Variants in FSTL4 observed in about 807,000 individuals in gnomAD.
FSTL4 encodes the protein follistatin-related protein 4.
In FSTL4, 28 loss-of-function variants were observed where a neutral mutation model predicts 78.2. The observed-to-expected ratio is 0.36, with a 90% CI of 0.27 to 0.49. FSTL4 has a LOEUF of 0.49. Among genes scored for constraint, FSTL4 ranks in the 20% least tolerant of loss-of-function variants. The pLI is 0.98. For synonymous variants in FSTL4, 422 were observed against 440.5 expected (o/e 0.96, Z 0.53); for missense variants, 922 against 1,084.9 (o/e 0.85, Z 2.11).
chr5:133,517,533 AAAAG>A (rs1442279492), intron 3 of FSTL4, among the ~76,000 whole-genome samples: 25 of 143,274 alleles, frequency 1.7e-4, no homozygotes, highest in African/African-American at 5.7e-4. Flanking sequence ...TAATAATACT[AAAAG>A]AAAATATAAA....
chr5:133,827,952 A>C, the FSTL4 span, among the ~76,000 whole-genome samples: 2 of 152,296 alleles, frequency 1.3e-5, no homozygotes, highest in Admixed American at 6.5e-5. Flanking sequence ...AGAGCTGCCA[A>C]GAAATGCTGA....
At chr5:133,318,957 C>T (rs1252197179) in intron 4 of FSTL4, among the ~76,000 whole-genome samples, 1 of 152,224 alleles carries the variant, frequency 6.6e-6, no homozygotes, top group Non-Finnish European at 1.5e-5. Context: ...GGGTCACCAG[C>T]TGGCAAACCC....
At chr5:133,542,666 G>T (rs559544762) in intron 3 of FSTL4, among the ~76,000 whole-genome samples, 5 of 152,288 alleles carry the variant, frequency 3.3e-5, no homozygotes, top group African/African-American at 1.2e-4. Flanking sequence ...TATTTCTACT[G>T]AAGTGAGTTT....
At chr5:133,307,294 C>T (rs888310594) in intron 6 of FSTL4, among the ~76,000 whole-genome samples, 4 of 152,146 alleles carry the variant, frequency 2.6e-5, no homozygotes, top group African/African-American at 7.2e-5. Flanking sequence ...GAGGAGAAGA[C>T]CATTGAGTTG....
At chr5:133,824,452 G>A in the FSTL4 span, among the ~76,000 whole-genome samples, 2,086 of 152,334 alleles carry the variant, frequency 0.014, 27 homozygotes, top group Non-Finnish European at 0.02. Flanking sequence ...CATCTCAGAA[G>A]CAGACAAAAG....
At chr5:133,557,450 T>C (rs995152370) in intron 3 of FSTL4, among the ~76,000 whole-genome samples, 3 of 152,338 alleles carry the variant, frequency 2.0e-5, no homozygotes, top group African/African-American at 7.2e-5. Flanking sequence ...TCAGACCCAA[T>C]TGCCATTTGG....
intron 4 of FSTL4, among the ~76,000 whole-genome samples, chr5:133,366,583 C>A (rs1190927263): frequency 6.6e-6 from 1 of 152,052 alleles, no homozygotes; most frequent in Non-Finnish European, 1.5e-5. Context: ...TGAAAACTTT[C>A]TTCTGCCTGC....
At chr5:133,420,453 G>A (rs1407033371) in intron 3 of FSTL4, among the ~76,000 whole-genome samples, 1 of 152,168 alleles carries the variant, frequency 6.6e-6, no homozygotes, top group Non-Finnish European at 1.5e-5. Flanking sequence ...ATAATCTCAA[G>A]TGGAAATTTA....
chr5:133,382,180 C>T (rs1755590045), intron 4 of FSTL4, among the ~76,000 whole-genome samples: 1 of 152,216 alleles, frequency 6.6e-6, no homozygotes, highest in South Asian at 2.1e-4. Flanking sequence ...CTGCCAAACC[C>T]TCCTGCCAAA....
intron 6 of FSTL4, among the ~76,000 whole-genome samples, chr5:133,276,675 TATC>T (rs1375118665): frequency 3.3e-5 from 5 of 152,184 alleles, no homozygotes; most frequent in Admixed American, 3.3e-4. Flanking sequence ...CAGGCATCAA[TATC>T]TTGTTACTCT....
At chr5:133,725,809 G>T in the FSTL4 span, among the ~76,000 whole-genome samples, 1 of 152,198 alleles carries the variant, frequency 6.6e-6, no homozygotes, top group African/African-American at 2.4e-5. Context: ...GAAAAGAGCA[G>T]TTTACCTTAT....
chr5:133,313,121 G>A (rs1753826454), intron 5 of FSTL4, among the ~76,000 whole-genome samples: 1 of 152,216 alleles, frequency 6.6e-6, no homozygotes, highest in Admixed American at 6.5e-5. Context: ...TAGATGGGGA[G>A]ACAGGAGAGA....
intron 3 of FSTL4, among the ~76,000 whole-genome samples, chr5:133,555,713 C>T (rs568807151): frequency 1.3e-5 from 2 of 152,242 alleles, no homozygotes; most frequent in Non-Finnish European, 2.9e-5. Context: ...TTTTATTTTC[C>T]GCTGAAGTTT....
chr5:133,664,320 TAA>T, the FSTL4 span, among the ~76,000 whole-genome samples: 2 of 151,376 alleles, frequency 1.3e-5, no homozygotes, highest in South Asian at 2.1e-4. Context: ...CTTTTTTTTT[TAA>T]AAAAAATTCC....
At chr5:133,798,445 CT>C in the FSTL4 span, among the ~76,000 whole-genome samples, 1 of 151,098 alleles carries the variant, frequency 6.6e-6, no homozygotes, top group South Asian at 2.1e-4. Context: ...CAAATGAACT[CT>C]TCTCATATAT....
chr5:133,680,698 C>A, the FSTL4 span, among the ~76,000 whole-genome samples: 1 of 152,196 alleles, frequency 6.6e-6, no homozygotes, highest in East Asian at 1.9e-4. Context: ...CTTATAGGCA[C>A]CCTGTCCCCA....
the FSTL4 span, among the ~76,000 whole-genome samples, chr5:133,714,342 C>G: frequency 9.8e-5 from 15 of 152,324 alleles, no homozygotes; most frequent in South Asian, 6.2e-4. Flanking sequence ...CTATGACTCA[C>G]GTACTCATTT....
the FSTL4 span, among the ~76,000 whole-genome samples, chr5:133,751,171 T>C: frequency 6.6e-6 from 1 of 152,208 alleles, no homozygotes; most frequent in East Asian, 1.9e-4. Flanking sequence ...GTCATGCCTG[T>C]CCCAAAGGCC....
At chr5:133,478,598 G>T (rs1757965738) in intron 3 of FSTL4, among the ~76,000 whole-genome samples, 1 of 152,216 alleles carries the variant, frequency 6.6e-6, no homozygotes, top group Non-Finnish European at 1.5e-5. Flanking sequence ...AAGAAAATGT[G>T]TAGTTTATCA....
Sources: gnomAD v4.1 joint callset for allele counts (sites outside exome capture counted in the v4.1 genomes callset) on GRCh38, gnomAD v4.1.1 for gene constraint, MANE v1.5 for transcripts, NCBI Gene and HGNC (gene_info 2026-07-23, HGNC 2026-07-21) for gene names.